VANGL1: variants seen among roughly 807,000 people sequenced by gnomAD.
VANGL1 encodes vang-like protein 1.
VANGL1 carries 18 observed loss-of-function variants against 48.4 expected under a neutral mutation model. The ratio of observed to expected loss-of-function variants is 0.37; its 90% CI spans 0.26 to 0.55. The LOEUF (loss-of-function observed/expected upper bound fraction) is 0.55, where lower values mean the gene tolerates loss of function less well. Among genes scored for constraint, VANGL1 ranks in the 20% least tolerant of loss-of-function variants. The pLI, the probability that VANGL1 is intolerant of heterozygous loss-of-function variation, is 0.81. For missense variants in VANGL1, 667 were observed against 675.8 expected, an observed-to-expected ratio of 0.99 and a Z score of 0.14; for synonymous variants, 257 against 261.8, an observed-to-expected ratio of 0.98 and a Z score of 0.18.
intron 2 of VANGL1, among the ~76,000 whole-genome samples, chr1:115,658,460 A>G (rs4128133): frequency 0.026 from 4,019 of 152,334 alleles, 189 homozygotes; most frequent in African/African-American, 0.092. Flanking sequence ...TACTTACATT[A>G]TGTGGTGTTG....
At chr1:115,653,214 C>G (rs1652218034) in intron 2 of VANGL1, among the ~76,000 whole-genome samples, 1 of 152,148 alleles carries the variant, frequency 6.6e-6, no homozygotes, top group Admixed American at 6.5e-5. Context: ...CGAGCTTGTG[C>G]TGGAGTCCAG....
rs749556866 is a variant in VANGL1 at position 115,685,547 on chromosome 1, C to G, written c.1314+20C>G. The G allele has an allele frequency of 3.1e-6, 5 of 1,611,810 alleles. No homozygotes were observed. Among genetic ancestry groups the G allele is most frequent in the Middle Eastern group, 1.7e-4 (1 of 6,056 alleles). ...CCCAAGGTGCGCTGCTCCGGGCGGG[C>G]TCTGCCACCGTCATCCTGGCTTGTC... On this transcript the variant is annotated intron_variant, in intron 7 of 7. Transcript: ENST00000355485.
In VANGL1 at chr1:115,691,328, C is replaced by T; in HGVS notation, c.1524C>T (p.Asp508=). 1 of 1,614,070 alleles carries T rather than the reference C, an allele frequency of 6.2e-7. No homozygotes were observed. Among genetic ancestry groups the T allele is most frequent in the Non-Finnish European group, 8.5e-7 (1 of 1,180,032 alleles). ...TCATACTCTCTGAAGAGTTCATAGACCCCAAATCTCACAAATTTGTCCTTC... is the reference window on the plus strand; with the variant it reads ...TCATACTCTCTGAAGAGTTCATAGATCCCAAATCTCACAAATTTGTCCTTC... ...PFIILSEEFI[D]PKSHKFVLRL... Residue 508 remains aspartate (D), a synonymous_variant, in exon 8 of 8, where the codon GAC becomes GAT. Coordinates refer to ENST00000355485, the MANE Select transcript of VANGL1 (RefSeq NM_138959.3).
chr1:115,667,904 G>C (rs559468939), intron 4 of VANGL1, among the ~76,000 whole-genome samples: 1 of 152,392 alleles, frequency 6.6e-6, no homozygotes, highest in South Asian at 2.1e-4. Flanking sequence ...ACAGGCACTA[G>C]TGTAATTGAC....
intron 4 of VANGL1, among the ~76,000 whole-genome samples, chr1:115,675,542 G>A (rs1653129290): frequency 1.3e-5 from 2 of 152,162 alleles, no homozygotes; most frequent in South Asian, 4.1e-4. Context: ...ACTCACACCT[G>A]TAATCCCAGC....
chr1:115,654,152 G>A (rs549977926), intron 2 of VANGL1, among the ~76,000 whole-genome samples: 1 of 152,252 alleles, frequency 6.6e-6, no homozygotes, highest in South Asian at 2.1e-4. Flanking sequence ...GGTTTGTTGG[G>A]AACTTGAATG....
At position 115,651,347 on chromosome 1, in the gene VANGL1, G is replaced by A; in HGVS notation, c.-67G>A. On this transcript the variant is annotated 5_prime_UTR_variant, in exon 2 of 8. It adds an upstream start codon to the 5' untranslated region. Coordinates refer to ENST00000355485, the MANE Select transcript of VANGL1 (RefSeq NM_138959.3). ...CCTTGAGGTTTTAGGAGTCTGGTAG[G>A]TGAAATTTTCTACCTCTAAGGAGAA... 1 of 1,456,738 alleles carries A rather than the reference G, an allele frequency of 6.9e-7. No homozygotes were observed. Among genetic ancestry groups the A allele is most frequent in the South Asian group, 1.2e-5 (1 of 86,158 alleles). The allele number at this position is 1,456,738 out of a possible 1,614,324, so 90.2% of individuals were successfully genotyped here. A position where few individuals can be genotyped will look rare whatever the true frequency, so the allele number is the denominator to read the frequency against.
intron 4 of VANGL1, among the ~76,000 whole-genome samples, chr1:115,680,344 T>C (rs1653339107): frequency 6.6e-6 from 1 of 152,178 alleles, no homozygotes; most frequent in African/African-American, 2.4e-5. Context: ...ACATACTCAC[T>C]GTCATGGGGT....
At chr1:115,652,787 C>G (rs559949550) in intron 2 of VANGL1, among the ~76,000 whole-genome samples, 1 of 152,170 alleles carries the variant, frequency 6.6e-6, no homozygotes, top group Non-Finnish European at 1.5e-5. Flanking sequence ...ATCTGGATTA[C>G]TAACGTAGAA....
At chr1:115,666,350 C>T (rs1423903392) in intron 4 of VANGL1, among the ~76,000 whole-genome samples, 1 of 152,168 alleles carries the variant, frequency 6.6e-6, no homozygotes, top group African/African-American at 2.4e-5. Context: ...CTGCACACTG[C>T]ATCTGAGTGG....
At chr1:115,645,939 T>G (rs1651896179) in intron 1 of VANGL1, among the ~76,000 whole-genome samples, 1 of 152,218 alleles carries the variant, frequency 6.6e-6, no homozygotes, top group Non-Finnish European at 1.5e-5. Flanking sequence ...CAGAGCTCCC[T>G]TAATTACTTA....
At chr1:115,689,700 T>TA (rs1418911453) in intron 7 of VANGL1, among the ~76,000 whole-genome samples, 1 of 136,562 alleles carries the variant, frequency 7.3e-6, no homozygotes, top group Admixed American at 7.5e-5. Flanking sequence ...CTCACGCCTG[T>TA]AATCTCAACA....
At chr1:115,651,975 T>C (rs1410610022) in intron 2 of VANGL1, among the ~76,000 whole-genome samples, 2 of 152,186 alleles carry the variant, frequency 1.3e-5, no homozygotes, top group Non-Finnish European at 2.9e-5. Flanking sequence ...CAGGATGGTC[T>C]CGATCTGACC....
chr1:115,659,822 C>A (rs1652481498), intron 3 of VANGL1, 49 bp downstream of exon 3: 1 of 1,612,956 alleles, frequency 6.2e-7, no homozygotes, highest in Non-Finnish European at 8.5e-7. Context: ...GGCCAAGACT[C>A]CTGTCTGTAA....
intron 3 of VANGL1, among the ~76,000 whole-genome samples, chr1:115,660,149 A>G (rs1415124002): frequency 6.6e-6 from 1 of 152,252 alleles, no homozygotes; most frequent in Non-Finnish European, 1.5e-5. Flanking sequence ...CAGACTGACC[A>G]TTACTACTAG....
At chr1:115,683,823 T>TTG (rs201227775) in intron 5 of VANGL1, 121 bp from the exon 6 acceptor site, 8 of 1,299,222 alleles carry the variant, frequency 6.2e-6, no homozygotes, top group South Asian at 1.2e-5. Flanking sequence ...CCTTTAGGAT[T>TTG]TGTGTGTGTG....
chr1:115,697,486 T>C lies in VANGL1; in HGVS notation c.*6107T>C, dbSNP rs1393742273. ...AGCCAAATTTGATTTCCAACAGTCATTTATGGCCATAACTATTGCATAGAG... is the reference window on the plus strand; with the variant it reads ...AGCCAAATTTGATTTCCAACAGTCACTTATGGCCATAACTATTGCATAGAG... On this transcript the variant is annotated 3_prime_UTR_variant, in exon 8 of 8. Transcript: ENST00000355485. 1.3e-5 allele frequency: 2 copies of C among 152,188 alleles called. No individual in the cohort carries two copies. The highest frequency in any genetic ancestry group is 4.8e-5 in the African/African-American group (2 of 41,432). The allele number at this position is 152,188 out of a possible 1,614,324, so 9.4% of individuals were successfully genotyped here. A position where few individuals can be genotyped will look rare whatever the true frequency, so the allele number is the denominator to read the frequency against.
Position 115,692,337 on chromosome 1 carries a change from G to A in VANGL1, c.*958G>A, listed in dbSNP as rs950718585. 6.5e-6 allele frequency: 1 copy of A among 152,712 alleles called. No homozygotes were observed. The highest frequency in any genetic ancestry group is 2.4e-5 in the African/African-American group (1 of 41,442). The allele number at this position is 152,712 out of a possible 1,614,324, so 9.5% of individuals were successfully genotyped here. On this transcript the variant is annotated 3_prime_UTR_variant, in exon 8 of 8. Coordinates refer to ENST00000355485, the MANE Select transcript of VANGL1 (RefSeq NM_138959.3). ...AACACTGTGACTCTGGGATTGGCAG[G>A]TGCAACTTGGAGCCACTTAATTTCC...
At chr1:115,679,538 A>G (rs1653298836) in intron 4 of VANGL1, among the ~76,000 whole-genome samples, 1 of 152,146 alleles carries the variant, frequency 6.6e-6, no homozygotes, top group Non-Finnish European at 1.5e-5. Flanking sequence ...GCCCTGCTGG[A>G]GACAGAAGCC....
Sources: allele counts gnomAD v4.1 joint callset (sites outside exome capture counted in the v4.1 genomes callset), GRCh38; gene constraint gnomAD v4.1.1; transcripts MANE v1.5; gene names NCBI Gene and HGNC (gene_info 2026-07-23, HGNC 2026-07-21).